UNC79: variants seen among roughly 807,000 people sequenced by gnomAD.
UNC79 encodes unc-79 subunit of NALCN channel complex, also known as protein unc-79 homolog.
UNC79 carries 37 observed loss-of-function variants against 283.1 expected under a neutral mutation model. That is an observed-to-expected ratio of 0.13 (90% CI 0.10 to 0.17). The LOEUF is 0.17. UNC79 is among the 10% of genes least tolerant of loss of function. The pLI is 1.00. For missense variants in UNC79, 2,272 were observed against 3,211.1 expected, an observed-to-expected ratio of 0.71 and a Z score of 7.07; for synonymous variants, 1,107 against 1,200.2, an observed-to-expected ratio of 0.92 and a Z score of 1.61.
At chr14:93,701,014 C>G (rs1224129877) in intron 47 of UNC79, among the ~76,000 whole-genome samples, 1 of 152,012 alleles carries the variant, frequency 6.6e-6, no homozygotes, top group African/African-American at 2.4e-5. Context: ...GTCTCTCTCT[C>G]TGTAGATCTC....
chr14:93,622,312 C>A (rs774780303), exon 30 of UNC79: 1 of 1,614,014 alleles, frequency 6.2e-7, no homozygotes, highest in African/African-American at 1.3e-5. Context: ...AGGATTGTTC[C>A]AAAGACTTTT....
intron 1 of UNC79, among the ~76,000 whole-genome samples, chr14:93,416,400 G>A (rs1229201499): frequency 1.3e-5 from 2 of 151,240 alleles, no homozygotes; most frequent in Admixed American, 1.3e-4. Flanking sequence ...TTGTTATAAT[G>A]TCTGATCTTT....
intron 7 of UNC79, among the ~76,000 whole-genome samples, chr14:93,501,117 G>A (rs2059260546): frequency 6.6e-6 from 1 of 152,106 alleles, no homozygotes; most frequent in Admixed American, 6.5e-5. Context: ...CTGAGGTCAG[G>A]AGTTGGAGAC....
intron 27 of UNC79, among the ~76,000 whole-genome samples, chr14:93,614,050 A>G (rs1016561822): frequency 2.0e-5 from 3 of 151,866 alleles, no homozygotes; most frequent in Non-Finnish European, 4.4e-5. Flanking sequence ...CAGTAAAAAA[A>G]AAAAAAAAAG....
chr14:93,622,543 G>A (rs78070908), exon 30 of UNC79: 2 of 1,614,066 alleles, frequency 1.2e-6, no homozygotes, highest in Non-Finnish European at 1.7e-6. Context: ...CGGGCACTGA[G>A]GGGGAGAAGC....
chr14:93,693,641 G>C (rs1286372758), intron 46 of UNC79, among the ~76,000 whole-genome samples: 1 of 152,176 alleles, frequency 6.6e-6, no homozygotes, highest in Non-Finnish European at 1.5e-5. Context: ...GGAGAATAAA[G>C]CCTCGGAAGC....
chr14:93,593,930 T>G, intron 23 of UNC79, 93 bp downstream of exon 23: 1 of 1,394,900 alleles, frequency 7.2e-7, no homozygotes, highest in Non-Finnish European at 9.6e-7. Context: ...TTCTTGTCCC[T>G]TCTTTTTAAA....
chr14:93,518,123 G>A (rs2146507), intron 7 of UNC79, among the ~76,000 whole-genome samples: 79,550 of 151,814 alleles, frequency 0.52, 21,292 homozygotes, highest in Admixed American at 0.63. Flanking sequence ...CATAAAATGA[G>A]TTGGAAAATG....
chr14:93,613,161 A>G, intron 27 of UNC79, 78 bp downstream of exon 28: 3 of 1,565,416 alleles, frequency 1.9e-6, no homozygotes, highest in Non-Finnish European at 1.7e-6. Flanking sequence ...CATGTAGCCA[A>G]CGTTGGTTCA....
chr14:93,423,477 T>TGGTTACTAC (rs2055654955), intron 1 of UNC79, among the ~76,000 whole-genome samples: 3 of 152,184 alleles, frequency 2.0e-5, no homozygotes, highest in Non-Finnish European at 2.9e-5. Flanking sequence ...TACAGAGCTA[T>TGGTTACTAC]AGTAACCAAA....
intron 1 of UNC79, among the ~76,000 whole-genome samples, chr14:93,350,428 G>A (rs2053960046): frequency 6.6e-6 from 1 of 151,916 alleles, no homozygotes; most frequent in African/African-American, 2.4e-5. Flanking sequence ...AAAATAACTG[G>A]TTATTTTTAA....
At chr14:93,653,692 C>T in intron 35 of UNC79, 50 bp from the exon 39 acceptor site, 1 of 1,534,346 alleles carries the variant, frequency 6.5e-7, no homozygotes, top group Non-Finnish European at 8.9e-7. Context: ...ATCTGAACAC[C>T]TGCTCACTGG....
At chr14:93,363,524 T>TAAACAAATC (rs2054266807) in intron 1 of UNC79, among the ~76,000 whole-genome samples, 1 of 152,132 alleles carries the variant, frequency 6.6e-6, no homozygotes, top group Non-Finnish European at 1.5e-5. Flanking sequence ...CTTTGTTAGT[T>TAAACAAATC]TTCTGCTTTG....
rs913555783 is a variant in UNC79 at position 93,505,729 on chromosome 14, T to C, written c.898+8443T>C. Among the ~76,000 whole-genome samples the C allele has an allele frequency of 6.8e-5, 10 of 147,720 alleles. No individual in the cohort carries two copies. The South Asian group carries it at 8.8e-4, about 13-fold the overall frequency. On this transcript the variant is annotated intron_variant, in intron 7 of 48. Transcript: ENST00000555664. ...GCTTCTTTTTTCTTTTTTCTCTCTC[T>C]CTTTTTTTTTTGCCTCTTTTGCACT...
intron 1 of UNC79, among the ~76,000 whole-genome samples, chr14:93,357,710 T>TGG (rs1276072630): frequency 1.6e-5 from 2 of 126,542 alleles, no homozygotes; most frequent in East Asian, 4.4e-4. Flanking sequence ...TATATATATA[T>TGG]ATATATATAT....
chr14:93,503,782 G>T (rs1174510348), intron 7 of UNC79, among the ~76,000 whole-genome samples: 1 of 151,314 alleles, frequency 6.6e-6, no homozygotes, highest in Non-Finnish European at 1.5e-5. Context: ...ATTAAATAAA[G>T]TTATTTTAAT....
At chr14:93,334,315 C>T (rs2053527254) in intron 1 of UNC79, among the ~76,000 whole-genome samples, 1 of 152,146 alleles carries the variant, frequency 6.6e-6, no homozygotes, top group African/African-American at 2.4e-5. Context: ...TTTTCTTTAC[C>T]CATCTCACCC....
intron 8 of UNC79, among the ~76,000 whole-genome samples, chr14:93,525,053 A>T (rs2060485347): frequency 1.3e-5 from 2 of 152,162 alleles, no homozygotes; most frequent in African/African-American, 4.8e-5. Flanking sequence ...CGGTAATAAC[A>T]CTGTCATCTA....
chr14:93,697,074 A>G (rs2075187627), intron 47 of UNC79, among the ~76,000 whole-genome samples: 1 of 152,122 alleles, frequency 6.6e-6, no homozygotes, highest in South Asian at 2.1e-4. Flanking sequence ...AAATCAAATA[A>G]CTATACAATT....
Sources: gnomAD v4.1 joint callset for allele counts (sites outside exome capture counted in the v4.1 genomes callset) on GRCh38, gnomAD v4.1.1 for gene constraint, MANE v1.5 for transcripts, NCBI Gene and HGNC (gene_info 2026-07-23, HGNC 2026-07-21) for gene names.